ERI2: variants seen among roughly 807,000 people sequenced by gnomAD.
ERI2 encodes the protein ERI1 exoribonuclease 2.
In ERI2, 35 loss-of-function variants were observed where a neutral mutation model predicts 46.8. That is an observed-to-expected ratio of 0.75 (90% CI 0.57 to 0.99). The LOEUF (loss-of-function observed/expected upper bound fraction) is 0.99. ERI2 is among the 50% of genes least tolerant of loss of function. The probability of loss-of-function intolerance (pLI) is 0.00; values close to 1 mark genes in which losing one functional copy is unlikely to be tolerated. For synonymous variants in ERI2, 224 were observed against 271.0 expected (o/e 0.83, Z 1.70); for missense variants, 695 against 796.2 (o/e 0.87, Z 1.53).
downstream of ERI2, among the ~76,000 whole-genome samples, chr16:20,794,545 T>C (rs1050948897): frequency 5.9e-5 from 9 of 152,222 alleles, no homozygotes; most frequent in Non-Finnish European, 1.3e-4. Flanking sequence ...TCATATTGAA[T>C]GGCACAGCCA....
chr16:20,792,421 A>G, downstream of ERI2: 2 of 1,576,122 alleles, frequency 1.3e-6, no homozygotes, highest in Admixed American at 1.7e-5. Context: ...AACAGAATTA[A>G]CCAAATGATT....
intron 1 of ERI2, chr16:20,805,977 A>T: frequency 1.9e-6 from 2 of 1,051,124 alleles, no homozygotes; most frequent in Non-Finnish European, 2.3e-6. Context: ...TTACTAAATA[A>T]ATTAAATTTA....
rs1352079845 is a variant in ERI2, at chr16:20,797,934, G to A, written c.1866C>T (p.Cys622=). The A allele has an allele frequency of 1.3e-6, 2 of 1,551,808 alleles. No homozygotes were observed. The highest frequency in any genetic ancestry group is 8.7e-7 in the Non-Finnish European group (1 of 1,146,950). ...TGTTTTCTTGGTATTTCCCGATAGG[G>A]CAACAATAGAAGACTTTTCCATGGT... ...GPNHGKVFYC[C]PIGKYQENRK... Residue 622 remains cysteine (C), a synonymous_variant, in exon 9 of 9, where the codon TGC becomes TGT. Coordinates refer to ENST00000357967, the MANE Select transcript of ERI2 (RefSeq NM_001142725.2).
At position 20,802,897 on chromosome 16, in the gene ERI2, T is replaced by G; in HGVS notation, c.202A>C (p.Thr68Pro). 1 of 1,607,746 alleles carries G rather than the reference T, an allele frequency of 6.2e-7. No individual in the cohort carries two copies. Among genetic ancestry groups the G allele is most frequent in the Admixed American group, 1.7e-5 (1 of 59,950 alleles). The change falls in exon 4 of 9, where the codon ACA becomes CCA. Residue 68 changes from threonine to proline, a missense_variant. By Grantham distance (38) the Thr-to-Pro change is conservative. Coordinates refer to ENST00000357967, the MANE Select transcript of ERI2 (RefSeq NM_001142725.2). Reference protein sequence around the residue: ...IIEFPAVLLNTSTGQIDSEFQ... With the variant: ...IIEFPAVLLNPSTGQIDSEFQ... ...TCAGAGTCAATCTGTCCAGTTGATG[T>G]GTTCAGCAACACTGCTGGAAACTCA...
rs1428050908 is a variant in ERI2, at chr16:20,804,128, A to G, written c.24-458T>C. Reference sequence around the variant, plus strand: ...CTCAGCCCCTCAAAGTGCTGGGATTACAGGCCTGAGCCACTGTGTCCAGCC... The same window carrying G: ...CTCAGCCCCTCAAAGTGCTGGGATTGCAGGCCTGAGCCACTGTGTCCAGCC... On this transcript the variant is annotated intron_variant, in intron 1 of 8. Coordinates refer to ENST00000357967, the MANE Select transcript of ERI2 (RefSeq NM_001142725.2). Among the ~76,000 whole-genome samples, 4 of 150,836 alleles carry G rather than the reference A, an allele frequency of 2.7e-5. No individual in the cohort carries two copies. In the East Asian group the frequency reaches 8.0e-4, roughly 30 times the overall value.
At position 20,796,499 on chromosome 16, in the gene ERI2, CTAATTA is replaced by C; in HGVS notation, c.*1219_*1224del. The C allele has an allele frequency of 2.5e-6, 4 of 1,609,716 alleles. No individual in the cohort carries two copies. The highest frequency in any genetic ancestry group is 3.4e-6 in the Non-Finnish European group (4 of 1,179,096). ...CAAATATCCCAGAAAGGTAGGCATC[CTAATTA>C]TAACGAATATTTGCTCAGTGTTGTG... On this transcript the variant is annotated 3_prime_UTR_variant, in exon 9 of 9. Coordinates refer to ENST00000357967, the MANE Select transcript of ERI2 (RefSeq NM_001142725.2).
chr16:20,788,545 C>G (rs1456896239), intron 10 of ERI2, among the ~76,000 whole-genome samples: 1 of 152,122 alleles, frequency 6.6e-6, no homozygotes, highest in Non-Finnish European at 1.5e-5. Context: ...GCTTCTTGTT[C>G]CTTAGCTAAG....
chr16:20,785,335 AG>A (rs934470163), intron 10 of ERI2, among the ~76,000 whole-genome samples: 1 of 152,230 alleles, frequency 6.6e-6, no homozygotes, highest in Non-Finnish European at 1.5e-5. Context: ...GATCAGAGTA[AG>A]GGCATTACAA....
chr16:20,789,462 G>T (rs1292598400), intron 10 of ERI2: 1 of 1,579,724 alleles, frequency 6.3e-7, no homozygotes, highest in Admixed American at 1.7e-5. Context: ...AAGAGAGCAA[G>T]GCTGTGGCTT....
At chr16:20,806,304 T>C (rs1205589391) in intron 1 of ERI2, 104 bp downstream of exon 1, 4 of 1,499,882 alleles carry the variant, frequency 2.7e-6, no homozygotes, top group African/African-American at 1.4e-5. Flanking sequence ...CTGCGGGGAA[T>C]AGAGGCCCTC....
intron 10 of ERI2, chr16:20,783,241 C>A (rs984006736): frequency 6.6e-6 from 1 of 152,122 alleles, no homozygotes; most frequent in Non-Finnish European, 1.5e-5. Context: ...AATATTAGAA[C>A]AAAAGATACT....
intron 8 of ERI2, chr16:20,791,030 G>T: frequency 3.1e-6 from 4 of 1,309,114 alleles, no homozygotes; most frequent in South Asian, 1.3e-5. Flanking sequence ...CTTTCTTTTC[G>T]GGAAGAGTGA....
downstream of ERI2, among the ~76,000 whole-genome samples, chr16:20,795,324 G>A (rs74011874): frequency 1.6e-3 from 245 of 152,278 alleles, 1 homozygote; most frequent in African/African-American, 5.4e-3. Context: ...CTGGCCACAA[G>A]GGTTTTGGGT....
At position 20,798,218 on chromosome 16, in the gene ERI2, G is replaced by A. The variant is rs1052439403; in HGVS notation, c.1582C>T (p.Leu528Phe). The change falls in exon 9 of 9, where the codon CTT (leucine) becomes TTT (phenylalanine). Residue 528 changes from leucine (L) to phenylalanine (F), a missense_variant. Leu to Phe is a conservative substitution (Grantham distance 22). Transcript: ENST00000357967. ...HPLVLGKHPL[L>F]SGGTKRNPCS... ...GGATTCCTTTTGGTACCACCTGAAAGAAGAGGATGTTTCCCCAAAACTAAA... is the reference window on the plus strand; with the variant it reads ...GGATTCCTTTTGGTACCACCTGAAAAAAGAGGATGTTTCCCCAAAACTAAA... 1 of 1,551,492 alleles carries A rather than the reference G, an allele frequency of 6.4e-7. No individual in the cohort carries two copies. Among genetic ancestry groups the A allele is most frequent in the African/African-American group, 1.4e-5 (1 of 73,032 alleles).
chr16:20,793,128 G>A (rs1421316610), downstream of ERI2, among the ~76,000 whole-genome samples: 1 of 152,172 alleles, frequency 6.6e-6, no homozygotes, highest in Non-Finnish European at 1.5e-5. Context: ...ACAGGGCACA[G>A]GGCAGAGTTA....
In ERI2 at chr16:20,799,026, C is replaced by A; in HGVS notation, c.774G>T (p.Leu258Phe). The A allele has an allele frequency of 1.3e-6, 2 of 1,523,724 alleles. No homozygotes were observed. The highest frequency in any genetic ancestry group is 1.8e-6 in the Non-Finnish European group (2 of 1,138,764). The allele number at this position is 1,523,724 out of a possible 1,614,324, so 94.4% of individuals were successfully genotyped here. Reference protein sequence around the residue: ...KKNFSILARNLNTIQVEEMSA... With the variant: ...KKNFSILARNFNTIQVEEMSA... Reference sequence around the variant, plus strand: ...ACATTTCTTCAACTTGAATTGTATTCAAATTTCTGGCCAGAATGCTGAAAT... The same window carrying A: ...ACATTTCTTCAACTTGAATTGTATTAAAATTTCTGGCCAGAATGCTGAAAT... Residue 258 changes from leucine to phenylalanine, a missense_variant, in exon 9 of 9, where the codon TTG (leucine) becomes TTT (phenylalanine). Transcript: ENST00000357967.
intron 10 of ERI2, chr16:20,781,643 C>A: frequency 8.1e-7 from 1 of 1,228,394 alleles, no homozygotes; most frequent in Non-Finnish European, 1.2e-6. Flanking sequence ...CTGCGTCAAC[C>A]AAAGACATTT....
chr16:20,800,086 G>A (rs2080780355), intron 6 of ERI2, 48 bp from the exon 7 acceptor site: 1 of 1,179,606 alleles, frequency 8.5e-7, no homozygotes, highest in South Asian at 1.3e-5. Context: ...CTATTTTAAA[G>A]ACTATGTATT....
At chr16:20,781,618 A>C in intron 10 of ERI2, 1 of 958,262 alleles carries the variant, frequency 1.0e-6, no homozygotes, top group Non-Finnish European at 1.7e-6. Flanking sequence ...TAACATAAAC[A>C]ATGTTTAAAT....
Sources: allele counts gnomAD v4.1 joint callset (sites outside exome capture counted in the v4.1 genomes callset), GRCh38; gene constraint gnomAD v4.1.1; transcripts MANE v1.5; gene names NCBI Gene and HGNC (gene_info 2026-07-23, HGNC 2026-07-21).